TICAM2: variants seen among roughly 807,000 people sequenced by gnomAD.
TICAM2 encodes TIR domain-containing adapter molecule 2.
A neutral mutation model predicts 7.3 loss-of-function variants in TICAM2; 8 were observed. That is an observed-to-expected ratio of 1.10 (90% CI 0.65 to 1.99). The LOEUF (loss-of-function observed/expected upper bound fraction) is 1.99, where lower values mean the gene tolerates loss of function less well. Ranked by LOEUF, TICAM2 falls within the 30% of genes most tolerant of loss-of-function variation. The pLI is 0.00. For missense variants in TICAM2, 304 were observed against 278.8 expected, an observed-to-expected ratio of 1.09 and a Z score of -0.65; for synonymous variants, 113 against 99.6, an observed-to-expected ratio of 1.13 and a Z score of -0.80.
intron 1 of TICAM2, among the ~76,000 whole-genome samples, chr5:115,594,940 G>T (rs1010899089): frequency 6.6e-6 from 1 of 152,134 alleles, no homozygotes; most frequent in East Asian, 1.9e-4. Context: ...GATGGATACA[G>T]ACTCAATTCA....
chr5:115,586,418 GA>G (rs3072127), intron 1 of TICAM2, among the ~76,000 whole-genome samples: 24,403 of 133,160 alleles, frequency 0.18, 2,660 homozygotes, highest in African/African-American at 0.35. Flanking sequence ...TAGAGTGTTG[GA>G]AAAAAAAAAA....
chr5:115,595,556 A>T (rs1755479412), intron 1 of TICAM2, among the ~76,000 whole-genome samples: 1 of 152,150 alleles, frequency 6.6e-6, no homozygotes, highest in Non-Finnish European at 1.5e-5. Context: ...CATCATTTCT[A>T]GATAGATCTT....
chr5:115,600,377 C>A (rs1392478243), intron 1 of TICAM2, among the ~76,000 whole-genome samples: 2 of 152,162 alleles, frequency 1.3e-5, no homozygotes, highest in East Asian at 3.8e-4. Context: ...TGGAAGTCAT[C>A]AGCTGATAGA....
At chr5:115,593,336 T>C (rs940073403) in intron 1 of TICAM2, among the ~76,000 whole-genome samples, 1 of 147,556 alleles carries the variant, frequency 6.8e-6, no homozygotes, top group Non-Finnish European at 1.5e-5. Context: ...AAAATGGATA[T>C]AATAAGATCA....
At chr5:115,584,592 A>G (rs542562950) in intron 1 of TICAM2, among the ~76,000 whole-genome samples, 2 of 152,368 alleles carry the variant, frequency 1.3e-5, no homozygotes, top group South Asian at 2.1e-4. Context: ...TGCTCTCCGT[A>G]GGGCTGAGCC....
At chr5:115,586,254 A>G (rs1391783791) in intron 1 of TICAM2, among the ~76,000 whole-genome samples, 2 of 152,194 alleles carry the variant, frequency 1.3e-5, no homozygotes, top group Non-Finnish European at 2.9e-5. Flanking sequence ...CTATTCCTAC[A>G]GTGATTTTTT....
Position 115,580,749 on chromosome 5 carries a change from C to CA in TICAM2, c.507dup (p.Val170CysfsTer47), listed in dbSNP as rs1754890636. 3 of 1,602,018 alleles carry CA rather than the reference C, an allele frequency of 1.9e-6. No homozygotes were observed. The highest frequency in any genetic ancestry group is 2.6e-6 in the Non-Finnish European group (3 of 1,174,892). On this transcript the variant is annotated frameshift_variant, in exon 2 of 2. Coordinates refer to ENST00000427199, the MANE Select transcript of TICAM2 (RefSeq NM_021649.7). LOFTEE classifies it high-confidence loss of function. ...TTGTTCAGGGGCCGCATGGGTATAACAGAGTTGTATTTATGCTGCCTGTTA... is the reference window on the plus strand; with the variant it reads ...TTGTTCAGGGGCCGCATGGGTATAACAAGAGTTGTATTTATGCTGCCTGTTA...
chr5:115,587,221 CAGAT>C (rs1755138245), intron 1 of TICAM2, among the ~76,000 whole-genome samples: 1 of 152,184 alleles, frequency 6.6e-6, no homozygotes, highest in Non-Finnish European at 1.5e-5. Context: ...TGCTGGCAGA[CAGAT>C]AGCCCCTGGT....
chr5:115,581,463 T>A, intron 1 of TICAM2, 148 bp from the exon 2 acceptor site: 2 of 1,007,850 alleles, frequency 2.0e-6, no homozygotes, highest in Non-Finnish European at 2.8e-6. Context: ...GAAGCTAAAC[T>A]ACTAATCTTT....
intron 1 of TICAM2, among the ~76,000 whole-genome samples, chr5:115,586,329 CA>C (rs1369391913): frequency 6.7e-6 from 1 of 150,320 alleles, no homozygotes; most frequent in Non-Finnish European, 1.5e-5. Context: ...AGATTTATGG[CA>C]ATTTGTTAGT....
chr5:115,593,412 AAT>A (rs1195308403), intron 1 of TICAM2, among the ~76,000 whole-genome samples: 7 of 152,182 alleles, frequency 4.6e-5, no homozygotes, highest in African/African-American at 7.2e-5. Flanking sequence ...TTACAAAAAA[AAT>A]GTCATTTTCC....
intron 1 of TICAM2, among the ~76,000 whole-genome samples, chr5:115,583,582 T>A (rs913824735): frequency 1.3e-5 from 2 of 152,156 alleles, no homozygotes; most frequent in Non-Finnish European, 2.9e-5. Flanking sequence ...CATCTTCTAA[T>A]CTGGAGGGAG....
At chr5:115,585,455 G>C (rs1445436005) in intron 1 of TICAM2, among the ~76,000 whole-genome samples, 2 of 152,112 alleles carry the variant, frequency 1.3e-5, no homozygotes, top group African/African-American at 4.8e-5. Context: ...TTTTTTCCTA[G>C]CAAGACACTC....
Position 115,581,285 on chromosome 5 carries a change from C to CT in TICAM2, c.-30dup. 1 of 1,601,556 alleles carries CT rather than the reference C, an allele frequency of 6.2e-7. No individual in the cohort carries two copies. On this transcript the variant is annotated 5_prime_UTR_variant, in exon 2 of 2. Coordinates refer to ENST00000427199, the MANE Select transcript of TICAM2 (RefSeq NM_021649.7). ...AAATATCCAAGGCAGAAGAGGAAAA[C>CT]TTTATGTATTTCTCAGCATTTCTTT...
intron 1 of TICAM2, among the ~76,000 whole-genome samples, chr5:115,585,682 C>T (rs913340642): frequency 2.0e-5 from 3 of 152,118 alleles, no homozygotes; most frequent in Admixed American, 2.0e-4. Context: ...ATAGAAACCG[C>T]AAAGGAGTGC....
rs1226801153 is a variant in TICAM2, at chr5:115,581,200, T to C, written c.57A>G (p.Lys19=). The C allele has an allele frequency of 3.1e-6, 5 of 1,612,812 alleles. No homozygotes were observed. Among genetic ancestry groups the C allele is most frequent in the Non-Finnish European group, 4.2e-6 (5 of 1,179,982 alleles). Residue 19 remains lysine (K), a synonymous_variant, in exon 2 of 2, where the codon AAA becomes AAG. Transcript: ENST00000427199. The part of the protein sequence containing the change: ...NSCPLSLSWG[K]RHSVDTSPGY... Reference sequence around the variant, plus strand: ...CTGGACTTGTATCCACACTGTGCCTTTTACCCCAAGAGAGAGAAAGAGGGC... The same window carrying C: ...CTGGACTTGTATCCACACTGTGCCTCTTACCCCAAGAGAGAGAAAGAGGGC...
intron 1 of TICAM2, among the ~76,000 whole-genome samples, chr5:115,600,909 A>G (rs963973591): frequency 2.0e-5 from 3 of 152,214 alleles, no homozygotes; most frequent in African/African-American, 7.2e-5. Context: ...AACAGCAGAT[A>G]TTTGTTAAAT....
chr5:115,601,719 T>C (rs13153908), intron 1 of TICAM2, among the ~76,000 whole-genome samples: 54,601 of 152,094 alleles, frequency 0.36, 9,942 homozygotes, highest in Non-Finnish European at 0.39. Context: ...AAAAGCCAAG[T>C]AGGAAAACCC....
In TICAM2 at chr5:115,579,044, AGCAAAATGT is replaced by A. The variant is rs933363035; in HGVS notation, c.*1496_*1504del. 1 of 152,652 alleles carries A rather than the reference AGCAAAATGT, an allele frequency of 6.6e-6. No individual in the cohort carries two copies. Among genetic ancestry groups the A allele is most frequent in the Admixed American group, 6.5e-5 (1 of 15,290 alleles). The allele number at this position is 152,652 out of a possible 1,614,324, so 9.5% of individuals were successfully genotyped here. ...GTGGGGAATAAGAAAAAAGAAATTA[AGCAAAATGT>A]CTTTACTCAAGGATCTCTATAAAAA... On this transcript the variant is annotated 3_prime_UTR_variant, in exon 2 of 2. Coordinates refer to ENST00000427199, the MANE Select transcript of TICAM2 (RefSeq NM_021649.7).
Sources: allele counts gnomAD v4.1 joint callset (sites outside exome capture counted in the v4.1 genomes callset), GRCh38; gene constraint gnomAD v4.1.1; transcripts MANE v1.5; gene names NCBI Gene and HGNC (gene_info 2026-07-23, HGNC 2026-07-21).